Variants in NUMBL observed in about 807,000 individuals in gnomAD.
NUMBL encodes the protein numb-like protein.
In NUMBL, 20 loss-of-function variants were observed where a neutral mutation model predicts 48.9. The ratio of observed to expected loss-of-function variants is 0.41; its 90% confidence interval spans 0.29 to 0.59. NUMBL has a LOEUF of 0.59. Ranked by LOEUF, NUMBL falls within the 20% of genes least tolerant of loss-of-function variation. The probability of loss-of-function intolerance (pLI) is 0.31; values close to 1 mark genes in which losing one functional copy is unlikely to be tolerated. For missense variants in NUMBL, 660 were observed against 846.2 expected (o/e 0.78, Z 2.73); for synonymous variants, 340 against 348.7 (o/e 0.98, Z 0.28).
intron 1 of NUMBL, chr19:40,689,723 G>C (rs2081953605): frequency 6.6e-6 from 1 of 152,400 alleles, no homozygotes; most frequent in Non-Finnish European, 1.5e-5. Context: ...GGCCACTCTT[G>C]GACAGCTGGG....
chr19:40,689,652 T>A (rs1208661876), intron 1 of NUMBL: 2 of 152,206 alleles, frequency 1.3e-5, no homozygotes, highest in Non-Finnish European at 2.9e-5. Flanking sequence ...CAGCCCAGCC[T>A]GTATCCTGGA....
intron 1 of NUMBL, 173 bp downstream of exon 1, chr19:40,690,287 C>A: frequency 2.6e-6 from 1 of 383,780 alleles, no homozygotes; most frequent in Middle Eastern, 3.6e-4. Context: ...TGCCCAAGAC[C>A]CCGGTCTCCT....
chr19:40,679,222 T>C (rs560785299), intron 6 of NUMBL, among the ~76,000 whole-genome samples: 1 of 151,890 alleles, frequency 6.6e-6, no homozygotes, highest in South Asian at 2.1e-4. Context: ...AAATCCCATC[T>C]CTACAAAAAA....
At chr19:40,689,374 G>A (rs2604879) in intron 1 of NUMBL, among the ~76,000 whole-genome samples, 123,319 of 152,048 alleles carry the variant, frequency 0.81, 50,927 homozygotes, top group African/African-American at 0.95. Flanking sequence ...CAGTCACACA[G>A]ATACTAGGGT....
At chr19:40,670,403 G>C (rs1200505128) in intron 8 of NUMBL, among the ~76,000 whole-genome samples, 1 of 152,214 alleles carries the variant, frequency 6.6e-6, no homozygotes, top group Non-Finnish European at 1.5e-5. Flanking sequence ...CCGCTCACTG[G>C]CTGGGGATCA....
intron 6 of NUMBL, among the ~76,000 whole-genome samples, chr19:40,680,288 C>T (rs150547463): frequency 1.5e-3 from 228 of 152,064 alleles, no homozygotes; most frequent in African/African-American, 5.2e-3. Context: ...GCTGGGATCA[C>T]AGGCGCCTGC....
At chr19:40,679,932 A>G (rs2081896305) in intron 6 of NUMBL, among the ~76,000 whole-genome samples, 1 of 152,114 alleles carries the variant, frequency 6.6e-6, no homozygotes, top group Non-Finnish European at 1.5e-5. Context: ...ATTAAATGCC[A>G]TTGAATTGTA....
chr19:40,687,081 AG>A lies in NUMBL; in HGVS notation c.25-87del. 1 of 781,064 alleles carries A rather than the reference AG, an allele frequency of 1.3e-6. No individual in the cohort carries two copies. The highest frequency in any genetic ancestry group is 3.0e-5 in the East Asian group (1 of 33,566). The allele number at this position is 781,064 out of a possible 1,614,324, so 48.4% of individuals were successfully genotyped here. On this transcript the variant is annotated intron_variant, in intron 1 of 9. Coordinates refer to ENST00000252891, the MANE Select transcript of NUMBL (RefSeq NM_004756.5). The surrounding 1 kb of genome is among the most constrained non-coding windows in gnomAD (Gnocchi z 4.6). ...TTCACCCCGACTTTGGACTTCGGCCAGCCCCCTCCATCTTGGGCTCCCTGAT... is the reference window on the plus strand; with the variant it reads ...TTCACCCCGACTTTGGACTTCGGCCACCCCCTCCATCTTGGGCTCCCTGAT...
chr19:40,682,847 T>TC lies in NUMBL; in HGVS notation c.324+46dup. The TC allele has an allele frequency of 6.2e-7, 1 of 1,613,728 alleles. No individual in the cohort carries two copies. The highest frequency in any genetic ancestry group is 8.5e-7 in the Non-Finnish European group (1 of 1,179,652). On this transcript the variant is annotated intron_variant, in intron 4 of 9. Coordinates refer to ENST00000252891, the MANE Select transcript of NUMBL (RefSeq NM_004756.5). This position sits in a 1 kb window ranked among gnomAD's most constrained non-coding sequence, Gnocchi z 4.0. ...CAAAGGAGCCGGGTCAGGGTGCCTC[T>TC]CCCTGTCTGACCTTGCCCCCTCCCT...
At position 40,688,518 on chromosome 19, in the gene NUMBL, C is replaced by G. The variant is rs2081945624; in HGVS notation, c.25-1523G>C. On this transcript the variant is annotated intron_variant, in intron 1 of 9. Transcript: ENST00000252891. The surrounding 1 kb of genome is among the most constrained non-coding windows in gnomAD (Gnocchi z 4.6). ...GTGCACAGTCAGGGGCCAATCTCAT[C>G]ACCAAATCACACATTCTAACACAGG... Among the ~76,000 whole-genome samples the G allele has an allele frequency of 6.6e-6, 1 of 152,186 alleles. No individual in the cohort carries two copies. Among genetic ancestry groups the G allele is most frequent in the Non-Finnish European group, 1.5e-5 (1 of 68,044 alleles).
In NUMBL at chr19:40,677,439, G is replaced by A. The variant is rs752005702; in HGVS notation, c.541-18C>T. 7 of 1,601,946 alleles carry A rather than the reference G, an allele frequency of 4.4e-6. No individual in the cohort carries two copies. The highest frequency in any genetic ancestry group is 5.9e-6 in the Non-Finnish European group (7 of 1,177,778). ...CTCTCGCCCTATGGGGAGAGGATGG[G>A]CGGGGGGGTTAGAGGCGCTGGGCAG... On this transcript the variant is annotated intron_variant, in intron 6 of 9. Transcript: ENST00000252891.
At position 40,667,883 on chromosome 19, in the gene NUMBL, G is replaced by A; in HGVS notation, c.1415C>T (p.Ala472Val). 6.3e-7 allele frequency: 1 copy of A among 1,584,778 alleles called. No homozygotes were observed. The change falls in exon 10 of 10, where the codon GCT becomes GTT. Residue 472 changes from alanine (A) to valine (V), a missense_variant. This residue lies in a region of NUMBL where 296 missense variants were observed against 339.7 expected (regional missense o/e 0.87). Transcript: ENST00000252891. This position sits in a 1 kb window ranked among gnomAD's most constrained non-coding sequence, Gnocchi z 6.1. ...GAACACGGCCACTTGGGCAGGTGCA[G>A]CGTCAAAGGGCCCCACGGGGGCGGG... The part of the protein sequence containing the change: ...PFPAPVGPFD[A>V]APAQVAVFLP...
Position 40,690,631 on chromosome 19 carries a change from T to A in NUMBL, c.-148A>T. ...GGTGCGGGATGCACGCGCGCGAGCC[T>A]CCTCGGCTCCCGGGAGGATTCCGTT... On this transcript the variant is annotated 5_prime_UTR_variant, in exon 1 of 10. Transcript: ENST00000252891. 1 of 388,862 alleles carries A rather than the reference T, an allele frequency of 2.6e-6. No individual in the cohort carries two copies. The highest frequency in any genetic ancestry group is 4.4e-6 in the Non-Finnish European group (1 of 229,752). The allele number at this position is 388,862 out of a possible 1,614,324, so 24.1% of individuals were successfully genotyped here.
At chr19:40,675,730 G>T (rs1167430757) in intron 7 of NUMBL, among the ~76,000 whole-genome samples, 1 of 148,998 alleles carries the variant, frequency 6.7e-6, no homozygotes, top group Non-Finnish European at 1.5e-5. Context: ...TTATATGGTA[G>T]CCTCTTACAC....
Position 40,687,895 on chromosome 19 carries a change from AACAC to A in NUMBL, c.25-904_25-901del. 6.6e-6 allele frequency among the ~76,000 whole-genome samples: 1 copy of A among 152,312 alleles called. No homozygotes were observed. The highest frequency in any genetic ancestry group is 1.5e-5 in the Non-Finnish European group (1 of 68,016). On this transcript the variant is annotated intron_variant, in intron 1 of 9. Transcript: ENST00000252891. The surrounding 1 kb of genome is among the most constrained non-coding windows in gnomAD (Gnocchi z 4.6). ...CAGCCTCAACCAGACCAGTCACACC[AACAC>A]ACTGTTTTTGGCCACACACTGTCAC...
rs766592789 is a variant in NUMBL, at chr19:40,666,961, T to A, written c.*507A>T. 2.8e-4 allele frequency: 44 copies of A among 157,428 alleles called. No individual in the cohort carries two copies. The highest frequency in any genetic ancestry group is 5.6e-4 in the Non-Finnish European group (40 of 70,836). 9.8% of individuals were successfully genotyped at this position (157,428 alleles called of 1,614,324 possible). ...CCCCAAAGTTGGAGGGTGATGGAGGTGAGTACAGCATTGGCAGTGAACGCA... is the reference window on the plus strand; with the variant it reads ...CCCCAAAGTTGGAGGGTGATGGAGGAGAGTACAGCATTGGCAGTGAACGCA... On this transcript the variant is annotated 3_prime_UTR_variant, in exon 10 of 10. Transcript: ENST00000252891.
chr19:40,690,593 G>A lies in NUMBL; in HGVS notation c.-110C>T, dbSNP rs1008643424. On this transcript the variant is annotated 5_prime_UTR_variant, in exon 1 of 10. Transcript: ENST00000252891. ...CTCGGTCTGACGCCGGCCAGGGCCC[G>A]GGGCCGGGGGATGGTGCGGGATGCA... The A allele has an allele frequency of 1.0e-5, 6 of 575,562 alleles. No homozygotes were observed. In the Admixed American group the frequency reaches 1.8e-4, roughly 18 times the overall value. The allele number at this position is 575,562 out of a possible 1,614,324, so 35.7% of individuals were successfully genotyped here.
At chr19:40,684,077 T>TTTG (rs1396189389) in intron 3 of NUMBL, 1 of 175,614 alleles carries the variant, frequency 5.7e-6, no homozygotes, top group African/African-American at 2.5e-5. Flanking sequence ...AGTTTTTTTT[T>TTTG]TTTTTTTTTT....
intron 6 of NUMBL, 23 bp from the exon 7 acceptor site, chr19:40,677,444 G>A (rs1180778047): frequency 2.5e-6 from 4 of 1,598,604 alleles, no homozygotes; most frequent in African/African-American, 2.7e-5. Flanking sequence ...GATGGGCGGG[G>A]GGGTTAGAGG....
Sources: gnomAD v4.1 joint callset for allele counts (sites outside exome capture counted in the v4.1 genomes callset) on GRCh38, gnomAD v4.1.1 for gene constraint, gnomAD v4.1.1 regional missense constraint, Gnocchi (gnomAD v3.1) non-coding constraint, MANE v1.5 for transcripts, NCBI Gene and HGNC (gene_info 2026-07-23, HGNC 2026-07-21) for gene names.